The following ABCB5 variants were observed in gnomAD, a reference collection of about 807,000 sequenced individuals.
The protein encoded by ABCB5 is ATP-binding cassette sub-family B member 5.
In ABCB5, 155 loss-of-function variants were observed where a neutral mutation model predicts 144.2. The observed-to-expected ratio is 1.08, with a 90% CI of 0.94 to 1.23. The LOEUF (loss-of-function observed/expected upper bound fraction) is 1.23. ABCB5 is among the 50% of genes most tolerant of loss of function. The pLI, the probability that ABCB5 is intolerant of heterozygous loss-of-function variation, is 0.00. For synonymous variants in ABCB5, 610 were observed against 528.6 expected (o/e 1.15, Z -2.11); for missense variants, 1,830 against 1,520.8 (o/e 1.20, Z -3.38).
chr7:20,723,220 G>C lies in ABCB5; in HGVS notation c.2625+1G>C, dbSNP rs1476251007. On this transcript the variant is annotated splice_donor_variant, in intron 21 of 27. Transcript: ENST00000404938. LOFTEE classifies it high-confidence loss of function. The stretch of plus-strand genomic sequence containing the variant: ...GCAAGAACTTAAGCATGCTGGAAAG[G>C]TAAAATGAAGACTGTTATCACCATC... The C allele has an allele frequency of 2.5e-6, 4 of 1,613,638 alleles. No individual in the cohort carries two copies. Among genetic ancestry groups the C allele is most frequent in the Non-Finnish European group, 3.4e-6 (4 of 1,179,846 alleles).
At chr7:20,653,595 A>T (rs1016458743) in intron 13 of ABCB5, among the ~76,000 whole-genome samples, 2 of 152,246 alleles carry the variant, frequency 1.3e-5, no homozygotes, top group African/African-American at 4.8e-5. Flanking sequence ...GATTCCTAAC[A>T]GAGAGGAATC....
At chr7:20,749,890 A>T (rs1782863007) in intron 26 of ABCB5, among the ~76,000 whole-genome samples, 9 of 152,206 alleles carry the variant, frequency 5.9e-5, no homozygotes, top group Non-Finnish European at 1.5e-5. Context: ...GAGCAAAAAC[A>T]TGGAGACAGA....
At chr7:20,625,012 C>T (rs1019499235) in intron 2 of ABCB5, among the ~76,000 whole-genome samples, 1 of 152,196 alleles carries the variant, frequency 6.6e-6, no homozygotes, top group African/African-American at 2.4e-5. Flanking sequence ...TCCTTCGAAA[C>T]CTTTCCATGA....
At chr7:20,637,813 G>C (rs1161188925) in intron 5 of ABCB5, among the ~76,000 whole-genome samples, 1 of 152,092 alleles carries the variant, frequency 6.6e-6, no homozygotes, top group African/African-American at 2.4e-5. Context: ...GAAAGAGAAG[G>C]GGCAAACTAG....
At chr7:20,639,626 T>G (rs1371769742) in intron 5 of ABCB5, among the ~76,000 whole-genome samples, 5 of 152,210 alleles carry the variant, frequency 3.3e-5, no homozygotes, top group Non-Finnish European at 7.4e-5. Flanking sequence ...TAAATTGCCT[T>G]GGCACCTTTG....
rs187171018 is a variant in ABCB5 at position 20,647,418 on chromosome 7, C to G, written c.982-117C>G. 51 of 1,388,874 alleles carry G rather than the reference C, an allele frequency of 3.7e-5. No homozygotes were observed. The African/African-American group carries it at 7.3e-4, about 20-fold the overall frequency. 86.0% of individuals were successfully genotyped at this position (1,388,874 alleles called of 1,614,324 possible). On this transcript the variant is annotated intron_variant, in intron 9 of 27. Transcript: ENST00000404938. Reference sequence around the variant, plus strand: ...TATTTGGTCATATCTTCCATTCTTTCTTACCTAATTCCTCTAATATCTCTC... The same window carrying G: ...TATTTGGTCATATCTTCCATTCTTTGTTACCTAATTCCTCTAATATCTCTC...
intron 14 of ABCB5, chr7:20,667,549 T>TAC: frequency 1.0e-6 from 1 of 975,864 alleles, no homozygotes. Flanking sequence ...TTAAATTCCA[T>TAC]ACACATTAAT....
At chr7:20,620,349 T>C (rs560595145) in intron 1 of ABCB5, among the ~76,000 whole-genome samples, 1 of 152,180 alleles carries the variant, frequency 6.6e-6, no homozygotes, top group Admixed American at 6.5e-5. Context: ...TGGCAAAGAT[T>C]TCTTAGATAT....
intron 14 of ABCB5, among the ~76,000 whole-genome samples, chr7:20,679,254 G>C (rs1371496882): frequency 6.6e-6 from 1 of 152,020 alleles, no homozygotes; most frequent in Non-Finnish European, 1.5e-5. Context: ...GATCACCTGA[G>C]ATCAGGAGTT....
At chr7:20,744,780 A>AAT (rs774353471) in intron 25 of ABCB5, among the ~76,000 whole-genome samples, 20 of 151,506 alleles carry the variant, frequency 1.3e-4, no homozygotes, top group Non-Finnish European at 2.2e-4. Context: ...AAATTAAAAA[A>AAT]ATATATATAT....
intron 14 of ABCB5, among the ~76,000 whole-genome samples, chr7:20,676,641 T>C (rs926259148): frequency 6.6e-6 from 1 of 152,198 alleles, no homozygotes; most frequent in Non-Finnish European, 1.5e-5. Context: ...ATTTCATTTA[T>C]GTAAGACGAA....
At chr7:20,623,230 A>G in intron 1 of ABCB5, 35 bp from the exon 2 acceptor site, 1 of 1,208,176 alleles carries the variant, frequency 8.3e-7, no homozygotes, top group Non-Finnish European at 1.2e-6. Context: ...TAAAAGTCAC[A>G]TAGCCATAAT....
chr7:20,670,405 G>A (rs1016568772), intron 14 of ABCB5, among the ~76,000 whole-genome samples: 2 of 151,180 alleles, frequency 1.3e-5, no homozygotes, highest in South Asian at 2.1e-4. Context: ...AAAGGTTGAC[G>A]TTAACAGCAC....
Position 20,645,854 on chromosome 7 carries a change from T to C in ABCB5, c.777T>C (p.Phe259=), listed in dbSNP as rs1383142189. 1.2e-6 allele frequency: 2 copies of C among 1,613,788 alleles called. No individual in the cohort carries two copies. Among genetic ancestry groups the C allele is most frequent in the South Asian group, 1.1e-5 (1 of 91,060 alleles). The change falls in exon 8 of 28, where the codon TTT becomes TTC. Residue 259 remains phenylalanine, a synonymous_variant. Transcript: ENST00000404938. The stretch of plus-strand genomic sequence containing the variant: ...CATCAATCCGAACAGTCATAGCCTT[T>C]AGGGCCCAGGAGAAAGAACTTCAAA... ...VLSSIRTVIA[F]RAQEKELQRY...
chr7:20,649,780 T>A (rs535000642), intron 11 of ABCB5, among the ~76,000 whole-genome samples: 1 of 152,222 alleles, frequency 6.6e-6, no homozygotes, highest in East Asian at 1.9e-4. Context: ...TACTAGTTAA[T>A]ATTCTGAAGT....
At chr7:20,720,879 G>C (rs535167461) in intron 20 of ABCB5, among the ~76,000 whole-genome samples, 11 of 141,738 alleles carry the variant, frequency 7.8e-5, no homozygotes, top group African/African-American at 2.9e-4. Flanking sequence ...GGGAGGCGGA[G>C]CTTGCAGTGA....
intron 20 of ABCB5, among the ~76,000 whole-genome samples, chr7:20,715,588 T>A (rs563686078): frequency 1.4e-4 from 22 of 152,232 alleles, no homozygotes; most frequent in Non-Finnish European, 2.9e-5. Context: ...TTTTCATTTT[T>A]ATGTAGAGAC....
In ABCB5 at chr7:20,685,754, C is replaced by T. The variant is rs976773607; in HGVS notation, c.1928C>T (p.Thr643Ile). The T allele has an allele frequency of 6.2e-7, 1 of 1,613,394 alleles. No homozygotes were observed. The highest frequency in any genetic ancestry group is 1.1e-5 in the South Asian group (1 of 91,010). ...ATGACATATTCTACTGAAAGAAAGACCAACTCACTTCCTCTGCACTCTGTG... is the reference window on the plus strand; with the variant it reads ...ATGACATATTCTACTGAAAGAAAGATCAACTCACTTCCTCTGCACTCTGTG... The part of the protein sequence containing the change: ...ESMTYSTERK[T>I]NSLPLHSVKS... The change falls in exon 16 of 28, where the codon ACC becomes ATC. Residue 643 changes from threonine (T) to isoleucine (I), a missense_variant. Physicochemically the swap from Thr to Ile is moderately conservative, Grantham distance 89. Transcript: ENST00000404938.
chr7:20,749,920 T>C (rs1182226067), intron 26 of ABCB5, among the ~76,000 whole-genome samples: 1 of 152,220 alleles, frequency 6.6e-6, no homozygotes, highest in Non-Finnish European at 1.5e-5. Context: ...AATGTTTTCA[T>C]GGAACTGTAA....
Sources: gnomAD v4.1 joint callset for allele counts (sites outside exome capture counted in the v4.1 genomes callset) on GRCh38, gnomAD v4.1.1 for gene constraint, MANE v1.5 for transcripts, NCBI Gene and HGNC (gene_info 2026-07-23, HGNC 2026-07-21) for gene names.